The following PVT1 variants were observed in gnomAD, a reference collection of about 807,000 sequenced individuals.
The protein encoded by PVT1 is Pvt1 oncogene, also known as CXCR4/PVT1 fusion.
intron 6 of PVT1, among the ~76,000 whole-genome samples, chr8:128,096,900 C>T (rs1814436275): frequency 6.6e-6 from 1 of 152,218 alleles, no homozygotes; most frequent in Non-Finnish European, 1.5e-5. Context: ...AGCATGAGAG[C>T]TCACAGCAGG....
chr8:127,918,321 AGT>A (rs1816014121), intron 3 of PVT1, among the ~76,000 whole-genome samples: 2 of 152,094 alleles, frequency 1.3e-5, no homozygotes. Context: ...CCAGGGAAAG[AGT>A]GTGGATCTTG....
intron 4 of PVT1, among the ~76,000 whole-genome samples, chr8:128,029,986 C>T (rs1813370283): frequency 6.6e-6 from 1 of 152,068 alleles, no homozygotes; most frequent in African/African-American, 2.4e-5. Flanking sequence ...TGGTGGTGGG[C>T]ACCTGCAGTT....
chr8:127,946,130 C>G (rs1458223868), intron 3 of PVT1, among the ~76,000 whole-genome samples: 2 of 152,208 alleles, frequency 1.3e-5, no homozygotes, highest in Non-Finnish European at 2.9e-5. Context: ...TGTCAGGGTA[C>G]CAGCCACACA....
At chr8:127,921,045 A>G (rs546383184) in intron 3 of PVT1, among the ~76,000 whole-genome samples, 5 of 152,330 alleles carry the variant, frequency 3.3e-5, no homozygotes, top group African/African-American at 1.2e-4. Context: ...TACATTTTCA[A>G]TGAAATGACA....
intron 2 of PVT1, among the ~76,000 whole-genome samples, chr8:127,796,727 G>A (rs746849712): frequency 4.6e-5 from 7 of 152,196 alleles, no homozygotes; most frequent in Admixed American, 2.0e-4. Context: ...GGTCCAGGTC[G>A]TCTGGAGAGG....
At chr8:128,005,557 G>T (rs1224301733) in intron 4 of PVT1, among the ~76,000 whole-genome samples, 2 of 152,130 alleles carry the variant, frequency 1.3e-5, no homozygotes, top group African/African-American at 4.8e-5. Flanking sequence ...ACTGCAGTGT[G>T]TCCTGGAGCC....
intron 4 of PVT1, among the ~76,000 whole-genome samples, chr8:128,060,905 CTTT>C (rs35320355): frequency 8.1e-6 from 1 of 123,620 alleles, no homozygotes; most frequent in Non-Finnish European, 1.6e-5. Flanking sequence ...TAGGCAACTA[CTTT>C]TTTTTTTTTT....
At chr8:127,824,917 C>G (rs10090348) in intron 2 of PVT1, among the ~76,000 whole-genome samples, 2 of 151,882 alleles carry the variant, frequency 1.3e-5, no homozygotes, top group Non-Finnish European at 2.9e-5. Context: ...GTCAGGAGTT[C>G]GAGACCAGCT....
At chr8:127,907,060 A>G (rs1815831611) in intron 3 of PVT1, among the ~76,000 whole-genome samples, 1 of 151,656 alleles carries the variant, frequency 6.6e-6, no homozygotes, top group South Asian at 2.1e-4. Context: ...TCCCGGGCTC[A>G]AGCAATTCTC....
Position 127,986,357 on chromosome 8 carries a change from A to G in PVT1, n.783-2805A>G, listed in dbSNP as rs78988023. 7.4e-3 allele frequency among the ~76,000 whole-genome samples: 1,132 copies of G among 152,290 alleles called. 11 individuals carry two copies. Among genetic ancestry groups the G allele is most frequent in the African/African-American group, 0.026 (1,077 of 41,558 alleles). ...GTCAAAGCACAGCGTTGGGCCCAGCATGACCTTCTGCGGTCCCAGGAGACA... is the reference window on the plus strand; with the variant it reads ...GTCAAAGCACAGCGTTGGGCCCAGCGTGACCTTCTGCGGTCCCAGGAGACA... On this transcript the variant is annotated intron_variant and non_coding_transcript_variant, in intron 3 of 10. Coordinates refer to ENST00000651587, the Ensembl canonical transcript of PVT1.
intron 4 of PVT1, among the ~76,000 whole-genome samples, chr8:128,018,586 AGG>A (rs1817399804): frequency 6.6e-6 from 1 of 152,240 alleles, no homozygotes; most frequent in Admixed American, 6.5e-5. Context: ...TCTCGTCTTC[AGG>A]TGGCCGTAGC....
chr8:128,003,324 C>T (rs1391164841), intron 4 of PVT1, among the ~76,000 whole-genome samples: 1 of 149,640 alleles, frequency 6.7e-6, no homozygotes, highest in Non-Finnish European at 1.5e-5. Flanking sequence ...CTTCTGTCTC[C>T]TCTGCTCCCC....
At chr8:127,950,015 C>T (rs533089623) in intron 3 of PVT1, among the ~76,000 whole-genome samples, 4 of 152,374 alleles carry the variant, frequency 2.6e-5, no homozygotes, top group Admixed American at 2.6e-4. Context: ...AGCTGTGTGC[C>T]AGAGGACGGG....
chr8:127,980,127 C>T (rs1187337072), intron 3 of PVT1, among the ~76,000 whole-genome samples: 1 of 152,128 alleles, frequency 6.6e-6, no homozygotes, highest in Admixed American at 6.6e-5. Context: ...AGCGATCTTC[C>T]TGCCTCGACC....
At chr8:127,930,150 T>C (rs1467718654) in intron 3 of PVT1, among the ~76,000 whole-genome samples, 1 of 151,830 alleles carries the variant, frequency 6.6e-6, no homozygotes, top group Admixed American at 6.6e-5. Context: ...GGTGGGGCGG[T>C]GCGGAATTAT....
intron 2 of PVT1, among the ~76,000 whole-genome samples, chr8:127,833,714 A>G (rs1038841794): frequency 6.6e-6 from 1 of 152,152 alleles, no homozygotes; most frequent in East Asian, 1.9e-4. Context: ...TCAGCCTCCC[A>G]AAGTGCTGGG....
intron 3 of PVT1, among the ~76,000 whole-genome samples, chr8:127,893,249 T>A (rs1296513668): frequency 1.3e-5 from 2 of 152,174 alleles, no homozygotes; most frequent in Non-Finnish European, 2.9e-5. Flanking sequence ...ATGATGATTA[T>A]CTGTTTTACT....
intron 2 of PVT1, among the ~76,000 whole-genome samples, chr8:127,814,951 G>T (rs181531782): frequency 6.6e-6 from 1 of 152,104 alleles, no homozygotes; most frequent in Admixed American, 6.6e-5. Flanking sequence ...CATTACACTT[G>T]GTGTAAACTT....
At chr8:128,006,103 AAATAATAATAATAATAAT>A (rs201867936) in intron 4 of PVT1, among the ~76,000 whole-genome samples, 8 of 119,346 alleles carry the variant, frequency 6.7e-5, no homozygotes, top group Admixed American at 1.9e-4. Context: ...ACCTTGTCTC[AAATAATAATAATAATAAT>A]AATAATAATA....
Sources: gnomAD v4.1 joint callset for allele counts (sites outside exome capture counted in the v4.1 genomes callset) on GRCh38, gnomAD v4.1.1 for gene constraint, MANE v1.5 for transcripts, NCBI Gene and HGNC (gene_info 2026-07-23, HGNC 2026-07-21) for gene names.